The following IBTK variants were observed in gnomAD, a reference collection of about 807,000 sequenced individuals.
IBTK encodes the protein inhibitor of Bruton tyrosine kinase.
A neutral mutation model predicts 154.9 loss-of-function variants in IBTK; 83 were observed. The ratio of observed to expected loss-of-function variants is 0.54; its 90% CI spans 0.45 to 0.64. IBTK has a LOEUF of 0.64. Among genes scored for constraint, IBTK ranks in the 30% least tolerant of loss-of-function variants. IBTK has a pLI of 0.00. For missense variants in IBTK, 1,332 were observed against 1,584.6 expected (o/e 0.84, Z 2.71); for synonymous variants, 515 against 536.1 (o/e 0.96, Z 0.54).
intron 10 of IBTK, 101 bp from the exon 11 acceptor site, chr6:82,216,351 A>G: frequency 2.7e-6 from 2 of 740,846 alleles, no homozygotes; most frequent in Non-Finnish European, 4.3e-6. Context: ...AAAATATGGA[A>G]ATCTTTTTCA....
chr6:82,241,680 G>A (rs1177790425), intron 1 of IBTK, among the ~76,000 whole-genome samples: 3 of 152,070 alleles, frequency 2.0e-5, no homozygotes, highest in Non-Finnish European at 2.9e-5. Flanking sequence ...TCTGAAATCC[G>A]AAAGTCATAA....
chr6:82,212,717 G>T lies in IBTK; in HGVS notation c.2281C>A (p.Gln761Lys). 2 of 1,585,500 alleles carry T rather than the reference G, an allele frequency of 1.3e-6. No homozygotes were observed. Among genetic ancestry groups the T allele is most frequent in the Non-Finnish European group, 1.7e-6 (2 of 1,154,968 alleles). ...CCTTTCCTTACTTACCATTTTTTCT[G>T]ACTTAGCTTCAGTTTATTACCAGTG... ...KNTGNKLKLS[Q>K]KKCSFLCDVT... The change falls in exon 13 of 29, where the codon CAG becomes AAG. Residue 761 changes from glutamine (Q) to lysine (K), a missense_variant. This residue lies in a region of IBTK where 1,134 missense variants were observed against 1,274.7 expected (regional missense o/e 0.89). Coordinates refer to ENST00000306270, the MANE Select transcript of IBTK (RefSeq NM_015525.4).
intron 2 of IBTK, among the ~76,000 whole-genome samples, chr6:82,239,520 T>C (rs1294799855): frequency 1.3e-5 from 2 of 152,154 alleles, no homozygotes; most frequent in African/African-American, 4.8e-5. Context: ...CTAAAAGATA[T>C]TGTTACAAAA....
intron 26 of IBTK, among the ~76,000 whole-genome samples, chr6:82,180,725 T>A (rs187405069): frequency 6.6e-6 from 1 of 152,274 alleles, no homozygotes; most frequent in Admixed American, 6.5e-5. Context: ...ATAGTAACAA[T>A]AAAAATATGC....
Position 82,247,566 on chromosome 6 carries a change from C to A in IBTK, c.-362G>T. On this transcript the variant is annotated 5_prime_UTR_variant, in exon 1 of 29. Transcript: ENST00000306270. ...CAGCGCCAAGCCCTCCCTCACCAGT[C>A]GCTAGATGAAACTGCGCCGGTGGAT... 2.5e-6 allele frequency: 1 copy of A among 398,940 alleles called. No homozygotes were observed. Among genetic ancestry groups the A allele is most frequent in the South Asian group, 1.3e-4 (1 of 7,840 alleles). The allele number at this position is 398,940 out of a possible 1,614,324, so 24.7% of individuals were successfully genotyped here. A position where few individuals can be genotyped will look rare whatever the true frequency, so the allele number is the denominator to read the frequency against.
In IBTK at chr6:82,214,426, T is replaced by C. The variant is rs775876583; in HGVS notation, c.2005A>G (p.Asn669Asp). 6.2e-7 allele frequency: 1 copy of C among 1,613,950 alleles called. No homozygotes were observed. Among genetic ancestry groups the C allele is most frequent in the South Asian group, 1.1e-5 (1 of 91,078 alleles). Residue 669 changes from asparagine to aspartate, a missense_variant, in exon 12 of 29, where the codon AAT becomes GAT. Transcript: ENST00000306270. The part of the protein sequence containing the change: ...EYQGTLNSHL[N>D]KVNFHEDDNQ... ...TCATCTTCATGGAAATTCACTTTAT[T>C]CAAATGAGAATTCAGAGTTCCCTGA...
At chr6:82,181,191 A>C (rs996679857) in intron 26 of IBTK, among the ~76,000 whole-genome samples, 2 of 152,140 alleles carry the variant, frequency 1.3e-5, no homozygotes, top group Non-Finnish European at 2.9e-5. Flanking sequence ...GGGGTTTGAG[A>C]CCAGCCTGGG....
In IBTK at chr6:82,210,867, A is replaced by G. The variant is rs1769608830; in HGVS notation, c.2456T>C (p.Ile819Thr). The G allele has an allele frequency of 6.3e-7, 1 of 1,579,650 alleles. No homozygotes were observed. The highest frequency in any genetic ancestry group is 8.6e-7 in the Non-Finnish European group (1 of 1,164,466). The change falls in exon 16 of 29, where the codon ATA becomes ACA. Residue 819 changes from isoleucine (I) to threonine (T), a missense_variant. This residue lies in a region of IBTK where 1,134 missense variants were observed against 1,274.7 expected (regional missense o/e 0.89). Transcript: ENST00000306270. ...GAGGTAGTCCAAAATAACTTTTAAT[A>G]TATCAGAATGTATTGGCATTTCCAG... ...AALEMPIHSDILKVILDYLYT... is the reference protein window; with the variant it reads ...AALEMPIHSDTLKVILDYLYT...
At chr6:82,210,959 A>G in intron 15 of IBTK, 49 bp from the exon 16 acceptor site, 1 of 1,055,870 alleles carries the variant, frequency 9.5e-7, no homozygotes, top group Non-Finnish European at 1.3e-6. Context: ...TCTAAACAAT[A>G]AAATATTACA....
chr6:82,188,017 A>G (rs1270740800), intron 25 of IBTK, among the ~76,000 whole-genome samples: 3 of 152,196 alleles, frequency 2.0e-5, no homozygotes, highest in Non-Finnish European at 4.4e-5. Context: ...TTAACAGCAA[A>G]AAAAAATTAA....
intron 21 of IBTK, among the ~76,000 whole-genome samples, chr6:82,199,929 T>C (rs1286200168): frequency 6.6e-6 from 1 of 152,162 alleles, no homozygotes; most frequent in East Asian, 1.9e-4. Context: ...CAGCTCAGCA[T>C]TGCTTTCCTC....
At chr6:82,179,332 G>T (rs779400348) in intron 26 of IBTK, among the ~76,000 whole-genome samples, 1 of 152,172 alleles carries the variant, frequency 6.6e-6, no homozygotes, top group Non-Finnish European at 1.5e-5. Flanking sequence ...TTGGTTTTAT[G>T]AGATGGGTAT....
intron 2 of IBTK, among the ~76,000 whole-genome samples, chr6:82,238,745 A>G (rs1422481399): frequency 2.6e-5 from 4 of 151,114 alleles, no homozygotes; most frequent in Non-Finnish European, 5.9e-5. Context: ...CTGGCCATCA[A>G]TTTCTTTTTT....
intron 12 of IBTK, 128 bp from the exon 13 acceptor site, chr6:82,212,921 C>G (rs1368284534): frequency 1.7e-6 from 1 of 603,512 alleles, no homozygotes; most frequent in African/African-American, 1.9e-5. Context: ...TCAACAAACT[C>G]CTACTCTGAG....
rs1017218049 is a variant in IBTK at position 82,246,390 on chromosome 6, C to T, written c.-358+1172G>A. Among the ~76,000 whole-genome samples, 16 of 150,706 alleles carry T rather than the reference C, an allele frequency of 1.1e-4. 1 individual carries two copies. The highest frequency in any genetic ancestry group is 8.6e-4 in the Admixed American group (13 of 15,148). On this transcript the variant is annotated intron_variant, in intron 1 of 28. Transcript: ENST00000306270. ...ACCAAGTTGGCCTCGAACTCCTGAC[C>T]TCAAGTGATCCGCCCACCTTGGCCT...
Position 82,205,058 on chromosome 6 carries a change from TA to T in IBTK, c.2510-101del, listed in dbSNP as rs35132776. 5.5e-3 allele frequency: 2,684 copies of T among 492,450 alleles called. 21 individuals carry two copies. The highest frequency in any genetic ancestry group is 0.033 in the African/African-American group (1,620 of 49,524). 30.5% of individuals were successfully genotyped at this position (492,450 alleles called of 1,614,324 possible). Reference sequence around the variant, plus strand: ...TAGTACACTAGAAAAGAGATTTAAGTAAAAAAAAAATTTGAAGTAATTAGTA... The same window carrying T: ...TAGTACACTAGAAAAGAGATTTAAGTAAAAAAAAATTTGAAGTAATTAGTA... On this transcript the variant is annotated intron_variant, in intron 16 of 28. Coordinates refer to ENST00000306270, the MANE Select transcript of IBTK (RefSeq NM_015525.4).
At chr6:82,218,651 C>G (rs997904268) in intron 9 of IBTK, among the ~76,000 whole-genome samples, 4 of 152,164 alleles carry the variant, frequency 2.6e-5, no homozygotes, top group Non-Finnish European at 4.4e-5. Context: ...CTGCAAACCT[C>G]AGAGTCCCTG....
intron 25 of IBTK, among the ~76,000 whole-genome samples, chr6:82,183,460 C>T (rs1768391106): frequency 1.3e-5 from 2 of 151,454 alleles, no homozygotes; most frequent in African/African-American, 4.9e-5. Flanking sequence ...ATGTTATAAA[C>T]AACTTAACAC....
Position 82,227,279 on chromosome 6 carries a change from G to A in IBTK, c.567C>T (p.Ser189=), listed in dbSNP as rs199566613. 38 of 1,605,512 alleles carry A rather than the reference G, an allele frequency of 2.4e-5. No individual in the cohort carries two copies. In the East Asian group the frequency reaches 2.5e-4, roughly 10 times the overall value. ...IKQVVLCKFH[S]VFLSQKGQVY... is the part of the protein sequence containing the mutation. ...CCTGCCCTTTCTGAGACAGAAACAC[G>A]GAGTGAAATTTACAAAGCACCACCT... Residue 189 remains serine (S), a synonymous_variant, in exon 5 of 29, where the codon TCC becomes TCT. Transcript: ENST00000306270.
Sources: allele counts gnomAD v4.1 joint callset (sites outside exome capture counted in the v4.1 genomes callset), GRCh38; gene constraint gnomAD v4.1.1; regional missense constraint gnomAD v4.1.1; transcripts MANE v1.5; gene names NCBI Gene and HGNC (gene_info 2026-07-23, HGNC 2026-07-21).